The following LEPR variants were observed in gnomAD, a reference collection of about 807,000 sequenced individuals.
The protein encoded by LEPR is OB receptor.
Under a neutral mutation model 114.7 loss-of-function variants are expected in LEPR, and 56 were observed. The ratio of observed to expected loss-of-function variants is 0.49; its 90% confidence interval spans 0.39 to 0.61. LEPR has a LOEUF of 0.61. Among genes scored for constraint, LEPR ranks in the 20% least tolerant of loss-of-function variants. The probability of loss-of-function intolerance (pLI) is 0.00; values close to 1 mark genes in which losing one functional copy is unlikely to be tolerated. For missense variants in LEPR, 1,202 were observed against 1,352.9 expected, an observed-to-expected ratio of 0.89 and a Z score of 1.75; for synonymous variants, 443 against 461.4, an observed-to-expected ratio of 0.96 and a Z score of 0.51.
chr1:65,457,593 G>A (rs1646893926), intron 2 of LEPR, among the ~76,000 whole-genome samples: 1 of 152,102 alleles, frequency 6.6e-6, no homozygotes, highest in Admixed American at 6.5e-5. Context: ...TCAAGTCAGG[G>A]CTTTTATGGT....
chr1:65,509,447 A>G (rs528055815), intron 2 of LEPR, among the ~76,000 whole-genome samples: 1 of 148,438 alleles, frequency 6.7e-6, no homozygotes, highest in South Asian at 2.2e-4. Context: ...TGATGATCAT[A>G]TGTTTTTTGT....
chr1:65,455,989 C>A (rs1441874756), intron 2 of LEPR, among the ~76,000 whole-genome samples: 3 of 152,088 alleles, frequency 2.0e-5, no homozygotes, highest in Non-Finnish European at 4.4e-5. Context: ...TCCTGGTGCG[C>A]CATTTTTTAA....
At chr1:65,553,879 A>G (rs949811104) in intron 2 of LEPR, among the ~76,000 whole-genome samples, 3 of 152,064 alleles carry the variant, frequency 2.0e-5, no homozygotes, top group African/African-American at 4.8e-5. Flanking sequence ...TGACCTTTGA[A>G]TGGCGTTTTT....
chr1:65,630,325 C>G (rs1302203329), intron 19 of LEPR: 1 of 231,492 alleles, frequency 4.3e-6, no homozygotes, highest in East Asian at 1.5e-4. Flanking sequence ...CCTTTGTTCA[C>G]TTGTTTATCT....
chr1:65,484,811 C>T (rs1456073581), intron 2 of LEPR, among the ~76,000 whole-genome samples: 1 of 152,124 alleles, frequency 6.6e-6, no homozygotes, highest in Non-Finnish European at 1.5e-5. Flanking sequence ...TCAGATGCAT[C>T]CTTCAATATG....
intron 2 of LEPR, among the ~76,000 whole-genome samples, chr1:65,438,423 G>A (rs1000178187): frequency 2.0e-5 from 3 of 151,898 alleles, no homozygotes; most frequent in Non-Finnish European, 4.4e-5. Flanking sequence ...GGTGGCTCAC[G>A]CGTGTAGTCC....
chr1:65,483,025 T>A (rs2100458387), intron 2 of LEPR, among the ~76,000 whole-genome samples: 1 of 148,990 alleles, frequency 6.7e-6, no homozygotes, highest in South Asian at 2.1e-4. Flanking sequence ...AAGGTAAAAG[T>A]CTACAAAGGG....
At chr1:65,431,808 A>G in intron 2 of LEPR, 1 of 1,612,896 alleles carries the variant, frequency 6.2e-7, no homozygotes, top group Non-Finnish European at 8.5e-7. Flanking sequence ...TTCAGATCAA[A>G]TGGGGAGCCT....
At chr1:65,436,138 C>T in intron 2 of LEPR, 1 of 890,888 alleles carries the variant, frequency 1.1e-6, no homozygotes, top group Non-Finnish European at 1.3e-6. Flanking sequence ...GTGAATCTGA[C>T]CAGTTTGAAG....
chr1:65,628,520 T>G (rs1241984432), intron 19 of LEPR, among the ~76,000 whole-genome samples: 2 of 152,148 alleles, frequency 1.3e-5, no homozygotes, highest in Non-Finnish European at 2.9e-5. Context: ...CAATGAAGAG[T>G]AATCCTTTGA....
chr1:65,498,562 G>A (rs1303961567), intron 2 of LEPR, among the ~76,000 whole-genome samples: 5 of 152,044 alleles, frequency 3.3e-5, no homozygotes, highest in Admixed American at 1.3e-4. Flanking sequence ...GGGTAGAGAC[G>A]GAGGAATGGA....
intron 10 of LEPR, among the ~76,000 whole-genome samples, chr1:65,604,809 G>A (rs557868852): frequency 7.2e-5 from 11 of 152,234 alleles, no homozygotes; most frequent in African/African-American, 2.6e-4. Flanking sequence ...CTGGGCATGC[G>A]CTCCTCATGA....
intron 19 of LEPR, among the ~76,000 whole-genome samples, chr1:65,635,855 C>T (rs1658700721): frequency 6.6e-6 from 1 of 152,072 alleles, no homozygotes; most frequent in Non-Finnish European, 1.5e-5. Context: ...GAGCTAAGCA[C>T]TTGCAGACAC....
chr1:65,610,136 A>G (rs747748421), intron 13 of LEPR, 30 bp downstream of exon 13: 8 of 1,614,192 alleles, frequency 5.0e-6, no homozygotes, highest in Non-Finnish European at 6.8e-6. Flanking sequence ...ATGTGTTTTG[A>G]AAGTGCATAA....
chr1:65,456,004 G>T (rs548083450), intron 2 of LEPR, among the ~76,000 whole-genome samples: 1 of 152,132 alleles, frequency 6.6e-6, no homozygotes, highest in South Asian at 2.1e-4. Flanking sequence ...TTTTAAGCCC[G>T]TCGGAAAAGC....
intron 2 of LEPR, among the ~76,000 whole-genome samples, chr1:65,557,082 A>T (rs980527579): frequency 2.0e-5 from 3 of 152,152 alleles, no homozygotes; most frequent in Admixed American, 2.0e-4. Context: ...GGTAGTGGAG[A>T]GGGTGACAAA....
At chr1:65,596,222 A>G (rs1228854108) in intron 6 of LEPR, among the ~76,000 whole-genome samples, 1 of 152,074 alleles carries the variant, frequency 6.6e-6, no homozygotes, top group Non-Finnish European at 1.5e-5. Context: ...AGTCTTTACC[A>G]CTTAAGGGGA....
At chr1:65,492,604 A>G (rs1438593660) in intron 2 of LEPR, among the ~76,000 whole-genome samples, 2 of 152,072 alleles carry the variant, frequency 1.3e-5, no homozygotes, top group Non-Finnish European at 2.9e-5. Flanking sequence ...ATGCTTCATT[A>G]TGGCCTGAGA....
At chr1:65,596,645 C>G (rs961639883) in intron 7 of LEPR, 52 bp downstream of exon 7, 3 of 1,521,806 alleles carry the variant, frequency 2.0e-6, no homozygotes, top group Non-Finnish European at 2.7e-6. Context: ...AATAAAGACC[C>G]TCTTAAGTCC....
Sources: allele counts gnomAD v4.1 joint callset (sites outside exome capture counted in the v4.1 genomes callset), GRCh38; gene constraint gnomAD v4.1.1; transcripts MANE v1.5; gene names NCBI Gene and HGNC (gene_info 2026-07-23, HGNC 2026-07-21).